The following CD48 variants were observed in gnomAD, a reference collection of about 807,000 sequenced individuals.
CD48 encodes CD48 antigen.
Under a neutral mutation model 22.0 loss-of-function variants are expected in CD48, and 20 were observed. The ratio of observed to expected loss-of-function variants is 0.91; its 90% CI spans 0.64 to 1.32. The LOEUF is 1.32. Among genes scored for constraint, CD48 ranks in the 40% most tolerant of loss-of-function variants. The pLI is 0.00. For missense variants in CD48, 307 were observed against 286.5 expected, an observed-to-expected ratio of 1.07 and a Z score of -0.52; for synonymous variants, 110 against 110.1, an observed-to-expected ratio of 1.00 and a Z score of 0.01.
At chr1:160,696,830 G>GA (rs1367279012) in intron 1 of CD48, among the ~76,000 whole-genome samples, 3 of 147,574 alleles carry the variant, frequency 2.0e-5, no homozygotes, top group African/African-American at 5.0e-5. Context: ...GGGAGTTCCA[G>GA]AAAAAATCAA....
intron 2 of CD48, 173 bp downstream of exon 2, chr1:160,684,714 G>A (rs1353546353): frequency 1.3e-6 from 2 of 1,535,406 alleles, no homozygotes. Context: ...TTGGATATCT[G>A]TTGACCTAGG....
intron 1 of CD48, among the ~76,000 whole-genome samples, chr1:160,711,460 G>T (rs1350704933): frequency 6.6e-6 from 1 of 152,132 alleles, no homozygotes; most frequent in South Asian, 2.1e-4. Flanking sequence ...TGCTCCCCAG[G>T]TTCCTGTTTT....
At chr1:160,699,855 G>T (rs1662569636) in intron 1 of CD48, 1 of 151,584 alleles carries the variant, frequency 6.6e-6, no homozygotes, top group Admixed American at 6.6e-5. Context: ...AATACTAAGG[G>T]AACTCAGAGG....
chr1:160,694,749 A>G (rs1662347915), intron 1 of CD48, among the ~76,000 whole-genome samples: 1 of 152,150 alleles, frequency 6.6e-6, no homozygotes, highest in Non-Finnish European at 1.5e-5. Flanking sequence ...GGAACAGGGT[A>G]TCCTTTTTAG....
chr1:160,681,857 C>G (rs1661818342), intron 2 of CD48, among the ~76,000 whole-genome samples: 1 of 152,132 alleles, frequency 6.6e-6, no homozygotes, highest in African/African-American at 2.4e-5. Flanking sequence ...ATGGCGGGCA[C>G]CTTGGCTGGT....
At chr1:160,703,370 A>G (rs991233215) in intron 1 of CD48, among the ~76,000 whole-genome samples, 10 of 152,170 alleles carry the variant, frequency 6.6e-5, no homozygotes, top group African/African-American at 2.4e-4. Flanking sequence ...CTTTTAAAAA[A>G]GGTAAGATTG....
At chr1:160,697,272 A>G (rs1257180806) in intron 1 of CD48, among the ~76,000 whole-genome samples, 168 of 149,522 alleles carry the variant, frequency 1.1e-3, no homozygotes, top group African/African-American at 4.1e-3. Flanking sequence ...CCCACTAGAC[A>G]TTTGAAGTTC....
At chr1:160,683,551 G>A (rs1393869924) in intron 2 of CD48, 1 of 143,498 alleles carries the variant, frequency 7.0e-6, no homozygotes, top group African/African-American at 2.6e-5. Flanking sequence ...TGTAGAGCTT[G>A]TTAACCAGAA....
intron 1 of CD48, chr1:160,686,595 C>T (rs1363371029): frequency 6.6e-6 from 1 of 152,140 alleles, no homozygotes; most frequent in African/African-American, 2.4e-5. Flanking sequence ...AGGTTCTTTT[C>T]TATTTTTCCT....
intron 2 of CD48, among the ~76,000 whole-genome samples, chr1:160,682,258 G>A (rs1454409308): frequency 1.3e-5 from 2 of 151,250 alleles, no homozygotes; most frequent in Non-Finnish European, 2.9e-5. Context: ...AGACCAGCCT[G>A]GGCAACATTG....
chr1:160,703,495 A>G (rs1409775137), intron 1 of CD48, among the ~76,000 whole-genome samples: 1 of 152,258 alleles, frequency 6.6e-6, no homozygotes, highest in Non-Finnish European at 1.5e-5. Flanking sequence ...TTGGTCCTGG[A>G]GCCATTAGCT....
chr1:160,689,313 T>C (rs144089045), intron 1 of CD48, among the ~76,000 whole-genome samples: 1,785 of 152,278 alleles, frequency 0.012, 30 homozygotes, highest in African/African-American at 0.041. Context: ...CTATCATTAG[T>C]GTAGATTTCT....
At chr1:160,695,686 A>T (rs1361092778) in intron 1 of CD48, among the ~76,000 whole-genome samples, 4,888 of 76,870 alleles carry the variant, frequency 0.064, no homozygotes, top group East Asian at 0.16. Flanking sequence ...GGAAGAAAAA[A>T]TTCAGTCAGC....
chr1:160,678,992 G>A lies in CD48; in HGVS notation c.*60C>T. The A allele has an allele frequency of 3.2e-6, 4 of 1,250,160 alleles. No homozygotes were observed. In the Admixed American group the frequency reaches 5.0e-5, roughly 16 times the overall value. 77.4% of individuals were successfully genotyped at this position (1,250,160 alleles called of 1,614,324 possible). ...CAGTCTCTGTCCTGGTGAGGAGCATGATCACCAACAGGCAAGATCTTCTGG... is the reference window on the plus strand; with the variant it reads ...CAGTCTCTGTCCTGGTGAGGAGCATAATCACCAACAGGCAAGATCTTCTGG... On this transcript the variant is annotated 3_prime_UTR_variant, in exon 4 of 4. Coordinates refer to ENST00000368046, the MANE Select transcript of CD48 (RefSeq NM_001778.4).
chr1:160,704,622 G>A lies in CD48; in HGVS notation c.82+7060C>T, dbSNP rs115137462. 2.2e-3 allele frequency among the ~76,000 whole-genome samples: 331 copies of A among 152,332 alleles called. 2 individuals carry two copies. The highest frequency in any genetic ancestry group is 7.6e-3 in the African/African-American group (315 of 41,574). ...CAGTAGCAAAGTATTGTGGAAGCAC[G>A]AAGGCATTTAATTAACTAAAATTAT... On this transcript the variant is annotated intron_variant, in intron 1 of 3. Coordinates refer to ENST00000368046, the MANE Select transcript of CD48 (RefSeq NM_001778.4).
intron 1 of CD48, among the ~76,000 whole-genome samples, chr1:160,697,404 C>T (rs370905738): frequency 6.6e-6 from 1 of 152,198 alleles, no homozygotes; most frequent in Non-Finnish European, 1.5e-5. Flanking sequence ...CCTGGCCCCA[C>T]AGATGATCGC....
chr1:160,707,177 T>A (rs922798131), intron 1 of CD48, among the ~76,000 whole-genome samples: 1 of 152,128 alleles, frequency 6.6e-6, no homozygotes, highest in African/African-American at 2.4e-5. Flanking sequence ...AGATGGGAAC[T>A]ATAATGAGTT....
chr1:160,698,903 A>C (rs1335911129), intron 1 of CD48: 1 of 152,662 alleles, frequency 6.6e-6, no homozygotes, highest in African/African-American at 2.4e-5. Flanking sequence ...CAGAAGTACT[A>C]TGATTATAAA....
At chr1:160,685,278 G>T in intron 1 of CD48, 89 bp from the exon 2 acceptor site, 1 of 932,600 alleles carries the variant, frequency 1.1e-6, no homozygotes, top group Non-Finnish European at 1.6e-6. Flanking sequence ...TGGAACAGGT[G>T]AGAAGGAAGG....
Sources: allele counts gnomAD v4.1 joint callset (sites outside exome capture counted in the v4.1 genomes callset), GRCh38; gene constraint gnomAD v4.1.1; transcripts MANE v1.5; gene names NCBI Gene and HGNC (gene_info 2026-07-23, HGNC 2026-07-21).